OSR1: variants seen among roughly 807,000 people sequenced by gnomAD.
OSR1 encodes the protein protein odd-skipped-related 1.
A neutral mutation model predicts 15.7 loss-of-function variants in OSR1; 3 were observed. That is an observed-to-expected ratio of 0.19 (90% CI 0.09 to 0.50). OSR1 has a LOEUF of 0.50. Ranked by LOEUF, OSR1 falls within the 20% of genes least tolerant of loss-of-function variation. OSR1 has a pLI of 0.97. For missense variants in OSR1, 271 were observed against 351.1 expected (o/e 0.77, Z 1.82); for synonymous variants, 166 against 152.7 (o/e 1.09, Z -0.64).
intron 1 of OSR1, 185 bp from the exon 2 acceptor site, chr2:19,354,022 GGAGCC>G (rs1664898341): frequency 1.0e-5 from 6 of 583,806 alleles, no homozygotes; most frequent in African/African-American, 1.9e-5. Context: ...AAGACGCAGG[GGAGCC>G]CTCTTTTCAG....
chr2:19,351,141 G>A (rs1161013381), downstream of OSR1, among the ~76,000 whole-genome samples: 1 of 152,144 alleles, frequency 6.6e-6, no homozygotes, highest in Non-Finnish European at 1.5e-5. Context: ...AGCACCCAGA[G>A]ACGCTGTCTC....
chr2:19,353,364 C>G lies in OSR1; in HGVS notation c.442G>C (p.Gly148Arg), dbSNP rs1267644701. 1.2e-6 allele frequency: 2 copies of G among 1,614,186 alleles called. No homozygotes were observed. Among genetic ancestry groups the G allele is most frequent in the Non-Finnish European group, 1.7e-6 (2 of 1,180,010 alleles). Residue 148 changes from glycine (G) to arginine (R), a missense_variant, in exon 2 of 3, where the codon GGT (glycine) becomes CGT (arginine). By Grantham distance (125) the Gly-to-Arg change is moderately radical. This residue lies in a region of OSR1 where 210 missense variants were observed against 218.4 expected (regional missense o/e 0.96). Coordinates refer to ENST00000272223, the MANE Select transcript of OSR1 (RefSeq NM_145260.3). ...EGPGSPAGGL[G>R]ALLDVTKLSP... ...AGCTTGGTCACGTCGAGGAGGGCAC[C>G]CAGCCCACCTGCAGGGGAGCCTGGG...
chr2:19,352,175 C>T lies in OSR1; in HGVS notation c.*100G>A. The T allele has an allele frequency of 7.3e-7, 1 of 1,377,676 alleles. No individual in the cohort carries two copies. The highest frequency in any genetic ancestry group is 9.9e-7 in the Non-Finnish European group (1 of 1,007,194). The allele number at this position is 1,377,676 out of a possible 1,614,324, so 85.3% of individuals were successfully genotyped here. On this transcript the variant is annotated 3_prime_UTR_variant, in exon 3 of 3. Transcript: ENST00000272223. ...ACAATGTTGGAGAGGTGGAAGGTCC[C>T]GAGCGAGCGCCTCTCCCGCTGCCCG...
the OSR1 span, among the ~76,000 whole-genome samples, chr2:19,345,662 T>C: frequency 6.4e-4 from 97 of 152,294 alleles, no homozygotes; most frequent in Non-Finnish European, 1.2e-3. Flanking sequence ...TCTTAGAGTG[T>C]CCATGCTCAA....
chr2:19,352,522 T>A, intron 2 of OSR1, 112 bp from the exon 3 acceptor site: 1 of 1,312,778 alleles, frequency 7.6e-7, no homozygotes, highest in Non-Finnish European at 1.1e-6. Context: ...GAAAAGTGTA[T>A]AGTCAGGTAC....
the OSR1 span, among the ~76,000 whole-genome samples, chr2:19,345,196 G>T: frequency 2.6e-5 from 4 of 152,180 alleles, no homozygotes; most frequent in East Asian, 5.8e-4. Context: ...AAAGATTCTG[G>T]ATATTAGTCC....
At chr2:19,354,193 T>G (rs1472217848) in intron 1 of OSR1, 2 of 194,022 alleles carry the variant, frequency 1.0e-5, no homozygotes, top group Admixed American at 1.1e-4. Context: ...TAAGCCCGGG[T>G]CAACACAGAA....
chr2:19,348,356 G>A (rs372579040), downstream of OSR1: 3 of 154,432 alleles, frequency 1.9e-5, no homozygotes, highest in Admixed American at 6.5e-5. Flanking sequence ...ATGTTAGCCC[G>A]AGGCGGGGCC....
Position 19,352,316 on chromosome 2 carries a change from A to G in OSR1, c.760T>C (p.Ser254Pro). 6.2e-7 allele frequency: 1 copy of G among 1,614,202 alleles called. No individual in the cohort carries two copies. The highest frequency in any genetic ancestry group is 1.1e-5 in the South Asian group (1 of 91,086). The change falls in exon 3 of 3, where the codon TCA (serine) becomes CCA (proline). Residue 254 changes from serine (S) to proline (P), a missense_variant. Ser to Pro is a moderately conservative substitution (Grantham distance 74). Coordinates refer to ENST00000272223, the MANE Select transcript of OSR1 (RefSeq NM_145260.3). Reference sequence around the variant, plus strand: ...GAGGTTTTGAGCTCCTTCACCTGTGAGTGTAGCGTCTTGTGGACAGCGAGA... The same window carrying G: ...GAGGTTTTGAGCTCCTTCACCTGTGGGTGTAGCGTCTTGTGGACAGCGAGA... ...RTLAVHKTLH[S>P]QVKELKTSKI...
Position 19,352,202 on chromosome 2 carries a change from CAG to C in OSR1, c.*71_*72del, listed in dbSNP as rs1664855481. ...AGCGAGCGCCTCTCCCGCTGCCCGCCAGAGTCAGGCTTCTGGTCCCTATGGAG... is the reference window on the plus strand; with the variant it reads ...AGCGAGCGCCTCTCCCGCTGCCCGCCAGTCAGGCTTCTGGTCCCTATGGAG... On this transcript the variant is annotated 3_prime_UTR_variant, in exon 3 of 3. Coordinates refer to ENST00000272223, the MANE Select transcript of OSR1 (RefSeq NM_145260.3). 3 of 1,530,066 alleles carry C rather than the reference CAG, an allele frequency of 2.0e-6. No homozygotes were observed. The highest frequency in any genetic ancestry group is 2.3e-5 in the East Asian group (1 of 43,910). The allele number at this position is 1,530,066 out of a possible 1,614,324, so 94.8% of individuals were successfully genotyped here. A position where few individuals can be genotyped will look rare whatever the true frequency, so the allele number is the denominator to read the frequency against.
Position 19,353,152 on chromosome 2 carries a change from C to A in OSR1, c.654G>T (p.Leu218=), listed in dbSNP as rs12329305. The change falls in exon 2 of 3, where the codon CTG becomes CTT. Residue 218 remains leucine, a synonymous_variant. Transcript: ENST00000272223. ...CHKAFRRQDH[L]RDHRYIHSKE... The stretch of plus-strand genomic sequence containing the variant: ...CCGCAGTGCCGCACCTGTGGTCTCG[C>A]AGGTGGTCTTGCCTCCGGAAGGCTT... 203 of 1,613,560 alleles carry A rather than the reference C, an allele frequency of 1.3e-4. 1 individual carries two copies. The highest frequency in any genetic ancestry group is 5.0e-4 in the Middle Eastern group (3 of 6,056).
the OSR1 span, among the ~76,000 whole-genome samples, chr2:19,345,799 G>A: frequency 6.6e-6 from 1 of 152,206 alleles, no homozygotes; most frequent in East Asian, 1.9e-4. Flanking sequence ...TGTGTACTGT[G>A]AGATACCAAA....
chr2:19,345,964 C>G, the OSR1 span, among the ~76,000 whole-genome samples: 1 of 152,230 alleles, frequency 6.6e-6, no homozygotes, highest in Non-Finnish European at 1.5e-5. Flanking sequence ...GCTAAAGAGT[C>G]TAGCCATTCC....
At position 19,353,121 on chromosome 2, in the gene OSR1, C is replaced by T. The variant is rs566509983; in HGVS notation, c.665+20G>A. ...GCCAGAGGCAGAGAGCTCTCTCTTG[C>T]GCCACCCGCAGTGCCGCACCTGTGG... On this transcript the variant is annotated intron_variant, in intron 2 of 2. Coordinates refer to ENST00000272223, the MANE Select transcript of OSR1 (RefSeq NM_145260.3). 1 of 1,610,462 alleles carries T rather than the reference C, an allele frequency of 6.2e-7. No homozygotes were observed. Among genetic ancestry groups the T allele is most frequent in the Non-Finnish European group, 8.5e-7 (1 of 1,177,396 alleles).
intron 2 of OSR1, 53 bp from the exon 3 acceptor site, chr2:19,352,463 C>T: frequency 6.3e-7 from 1 of 1,599,442 alleles, no homozygotes; most frequent in Non-Finnish European, 8.5e-7. Flanking sequence ...ATGTTATAAA[C>T]AGTTGCCCAA....
rs1664964129 is a variant in OSR1 at position 19,357,051 on chromosome 2, C to T, written c.-33+1290G>A. The T allele has an allele frequency of 1.3e-5, 2 of 152,160 alleles. No individual in the cohort carries two copies. The highest frequency in any genetic ancestry group is 6.5e-5 in the Admixed American group (1 of 15,274). The allele number at this position is 152,160 out of a possible 1,614,324, so 9.4% of individuals were successfully genotyped here. On this transcript the variant is annotated intron_variant, in intron 1 of 2. Transcript: ENST00000272223. This position sits in a 1 kb window ranked among gnomAD's most constrained non-coding sequence, Gnocchi z 5.0. ...TCCGGACCCCCGTGAAGAGGACTGACCGGCACCGGATACTTCTATAGCATT... is the reference window on the plus strand; with the variant it reads ...TCCGGACCCCCGTGAAGAGGACTGATCGGCACCGGATACTTCTATAGCATT...
chr2:19,354,600 C>A (rs1288616292), intron 1 of OSR1: 1 of 152,322 alleles, frequency 6.6e-6, no homozygotes, highest in Non-Finnish European at 1.5e-5. Context: ...AAATCTGCTT[C>A]CCTGCCTTAG....
intron 1 of OSR1, 116 bp from the exon 2 acceptor site, chr2:19,353,953 C>T: frequency 2.4e-6 from 2 of 833,718 alleles, no homozygotes; most frequent in Non-Finnish European, 3.7e-6. Flanking sequence ...AGCGCAGGAG[C>T]TAAGAGTCTA....
downstream of OSR1, among the ~76,000 whole-genome samples, chr2:19,347,575 T>A (rs1236849556): frequency 6.6e-6 from 1 of 152,230 alleles, no homozygotes; most frequent in Non-Finnish European, 1.5e-5. Context: ...CTGAAACATA[T>A]GCCAACTGGG....
Sources: gnomAD v4.1 joint callset for allele counts (sites outside exome capture counted in the v4.1 genomes callset) on GRCh38, gnomAD v4.1.1 for gene constraint, gnomAD v4.1.1 regional missense constraint, Gnocchi (gnomAD v3.1) non-coding constraint, MANE v1.5 for transcripts, NCBI Gene and HGNC (gene_info 2026-07-23, HGNC 2026-07-21) for gene names.